The following RABGAP1L variants were observed in gnomAD, a reference collection of about 807,000 sequenced individuals.
The protein encoded by RABGAP1L is rab GTPase-activating protein 1-like.
RABGAP1L carries 63 observed loss-of-function variants against 137.7 expected under a neutral mutation model. That is an observed-to-expected ratio of 0.46 (90% CI 0.37 to 0.56). RABGAP1L has a LOEUF of 0.56. RABGAP1L is among the 20% of genes least tolerant of loss of function. The probability of loss-of-function intolerance (pLI) is 0.00; values close to 1 mark genes in which losing one functional copy is unlikely to be tolerated. For missense variants in RABGAP1L, 1,095 were observed against 1,244.0 expected (o/e 0.88, Z 1.80); for synonymous variants, 431 against 433.7 (o/e 0.99, Z 0.08).
intron 17 of RABGAP1L, among the ~76,000 whole-genome samples, chr1:174,702,860 C>G (rs897582360): frequency 1.3e-5 from 2 of 151,740 alleles, no homozygotes; most frequent in Non-Finnish European, 2.9e-5. Flanking sequence ...TTTATTTACT[C>G]TTTTAAAGAA....
intron 18 of RABGAP1L, among the ~76,000 whole-genome samples, chr1:174,769,920 T>C (rs1206134205): frequency 2.0e-5 from 3 of 152,198 alleles, no homozygotes; most frequent in Non-Finnish European, 4.4e-5. Flanking sequence ...CCCTAGTCTT[T>C]GATGTACCAA....
chr1:174,983,989 G>A (rs1227890019), intron 24 of RABGAP1L, among the ~76,000 whole-genome samples: 1 of 146,108 alleles, frequency 6.8e-6, no homozygotes, highest in African/African-American at 2.6e-5. Context: ...CCAAGATTCA[G>A]TTGATGAAGT....
At chr1:174,172,055 T>A (rs1351300528) in intron 1 of RABGAP1L, among the ~76,000 whole-genome samples, 1 of 151,868 alleles carries the variant, frequency 6.6e-6, no homozygotes, top group Non-Finnish European at 1.5e-5. Flanking sequence ...AATGAGATCA[T>A]GTAGTGTCTT....
intron 11 of RABGAP1L, among the ~76,000 whole-genome samples, chr1:174,369,333 G>A (rs1002033751): frequency 3.3e-5 from 5 of 152,138 alleles, no homozygotes; most frequent in Non-Finnish European, 7.3e-5. Context: ...GGGACTATAG[G>A]AGTACGCCAC....
At chr1:174,256,850 A>G (rs1673174138) in intron 7 of RABGAP1L, among the ~76,000 whole-genome samples, 1 of 152,126 alleles carries the variant, frequency 6.6e-6, no homozygotes, top group Non-Finnish European at 1.5e-5. Context: ...TATCCTCCTT[A>G]ATTTAACATT....
At chr1:174,951,752 G>A (rs773880873) in intron 19 of RABGAP1L, among the ~76,000 whole-genome samples, 1 of 152,094 alleles carries the variant, frequency 6.6e-6, no homozygotes, top group Admixed American at 6.6e-5. Flanking sequence ...ACATTTAATA[G>A]GTGAAATCAT....
intron 13 of RABGAP1L, among the ~76,000 whole-genome samples, chr1:174,403,349 G>A (rs76589790): frequency 0.12 from 18,287 of 150,930 alleles, 3,771 homozygotes; most frequent in African/African-American, 0.42. Flanking sequence ...CTTCACAGGT[G>A]TGATCATAGT....
chr1:174,546,473 T>G (rs1666017713), intron 13 of RABGAP1L, among the ~76,000 whole-genome samples: 1 of 152,204 alleles, frequency 6.6e-6, no homozygotes, highest in South Asian at 2.1e-4. Context: ...AAACAAAGTT[T>G]AGATATTTGT....
chr1:174,313,816 A>G (rs1314645084), intron 11 of RABGAP1L, among the ~76,000 whole-genome samples: 2 of 152,118 alleles, frequency 1.3e-5, no homozygotes, highest in African/African-American at 4.8e-5. Context: ...TATCACATTG[A>G]TAGATTTGAA....
chr1:174,315,803 G>C (rs1393471128), intron 11 of RABGAP1L, among the ~76,000 whole-genome samples: 1 of 151,642 alleles, frequency 6.6e-6, no homozygotes, highest in African/African-American at 2.4e-5. Context: ...TCTAGGTTTG[G>C]GAATCCATTT....
chr1:174,195,642 T>TTCCTTCC (rs1453283760), intron 1 of RABGAP1L, among the ~76,000 whole-genome samples: 2 of 89,490 alleles, frequency 2.2e-5, no homozygotes, highest in East Asian at 7.4e-4. Flanking sequence ...CCTTCCTTCC[T>TTCCTTCC]TCCTTCCTTC....
At chr1:174,196,504 G>A (rs760463959) in intron 1 of RABGAP1L, among the ~76,000 whole-genome samples, 4 of 151,708 alleles carry the variant, frequency 2.6e-5, no homozygotes, top group South Asian at 2.1e-4. Flanking sequence ...GATTACAGGC[G>A]TGAGCAGCAT....
chr1:174,753,570 T>G (rs1294896582), intron 18 of RABGAP1L, among the ~76,000 whole-genome samples: 1 of 152,204 alleles, frequency 6.6e-6, no homozygotes, highest in Non-Finnish European at 1.5e-5. Context: ...GCCAAAGCTA[T>G]TTAGAAAATA....
At chr1:174,246,796 G>A (rs575816321) in intron 5 of RABGAP1L, among the ~76,000 whole-genome samples, 2 of 152,268 alleles carry the variant, frequency 1.3e-5, no homozygotes, top group Non-Finnish European at 2.9e-5. Context: ...ACTGTAATTG[G>A]TTATCCAGTT....
chr1:174,914,643 G>A (rs1301776502), intron 19 of RABGAP1L, among the ~76,000 whole-genome samples: 2 of 151,926 alleles, frequency 1.3e-5, no homozygotes, highest in African/African-American at 4.8e-5. Flanking sequence ...AAAGATTCTG[G>A]CTAGATTTTT....
intron 19 of RABGAP1L, among the ~76,000 whole-genome samples, chr1:174,900,963 C>A (rs1031275496): frequency 6.6e-6 from 1 of 151,856 alleles, no homozygotes; most frequent in Non-Finnish European, 1.5e-5. Context: ...TTACATAATC[C>A]CATATTTCTC....
chr1:174,379,160 A>G (rs1053820555), intron 12 of RABGAP1L, among the ~76,000 whole-genome samples: 3 of 149,626 alleles, frequency 2.0e-5, no homozygotes, highest in African/African-American at 7.4e-5. Context: ...CTGTTTTGGT[A>G]CCAGTACCAT....
In RABGAP1L at chr1:174,550,213, C is replaced by A. The variant is rs549538686; in HGVS notation, c.1711-87162C>A. Among the ~76,000 whole-genome samples, 3 of 152,196 alleles carry A rather than the reference C, an allele frequency of 2.0e-5. 1 individual carries two copies. Among genetic ancestry groups the A allele is most frequent in the African/African-American group, 7.2e-5 (3 of 41,552 alleles). On this transcript the variant is annotated intron_variant, in intron 13 of 25. Coordinates refer to ENST00000681986, the MANE Select transcript of RABGAP1L (RefSeq NM_001366446.1). Reference sequence around the variant, plus strand: ...ATTATGTTGTCTCTAGCAGATTTTTCTGAGGAAAACCAAAAGGAGGATTGG... The same window carrying A: ...ATTATGTTGTCTCTAGCAGATTTTTATGAGGAAAACCAAAAGGAGGATTGG...
At chr1:174,949,729 ATAT>A (rs1382886506) in intron 19 of RABGAP1L, among the ~76,000 whole-genome samples, 2 of 152,226 alleles carry the variant, frequency 1.3e-5, no homozygotes, top group African/African-American at 4.8e-5. Context: ...CTACCTCCAG[ATAT>A]TATTTATTGA....
Sources: gnomAD v4.1 joint callset for allele counts (sites outside exome capture counted in the v4.1 genomes callset) on GRCh38, gnomAD v4.1.1 for gene constraint, MANE v1.5 for transcripts, NCBI Gene and HGNC (gene_info 2026-07-23, HGNC 2026-07-21) for gene names.